The following MAF variants were observed in gnomAD, a reference collection of about 807,000 sequenced individuals.
MAF encodes transcription factor Maf.
In MAF, 10 loss-of-function variants were observed where a neutral mutation model predicts 22.0. The ratio of observed to expected loss-of-function variants is 0.45; its 90% CI spans 0.28 to 0.77. MAF has a LOEUF of 0.77. Among genes scored for constraint, MAF ranks in the 30% least tolerant of loss-of-function variants. MAF has a pLI of 0.12. For missense variants in MAF, 544 were observed against 548.4 expected, an observed-to-expected ratio of 0.99 and a Z score of 0.08; for synonymous variants, 337 against 255.8, an observed-to-expected ratio of 1.32 and a Z score of -3.03.
At chr16:79,488,267 T>G in the MAF span, among the ~76,000 whole-genome samples, 1 of 152,144 alleles carries the variant, frequency 6.6e-6, no homozygotes. Context: ...TCAAACCTTG[T>G]GAGGACTTTA....
At chr16:79,422,907 T>G in the MAF span, among the ~76,000 whole-genome samples, 10 of 152,162 alleles carry the variant, frequency 6.6e-5, no homozygotes, top group Non-Finnish European at 1.5e-4. Flanking sequence ...ACTACTCAGT[T>G]AAGCAAATAA....
At chr16:79,402,411 G>A in the MAF span, among the ~76,000 whole-genome samples, 1 of 152,196 alleles carries the variant, frequency 6.6e-6, no homozygotes, top group Non-Finnish European at 1.5e-5. Context: ...GAGAGTTCAG[G>A]CCCACACCTA....
chr16:79,381,157 T>C, the MAF span, among the ~76,000 whole-genome samples: 1 of 152,052 alleles, frequency 6.6e-6, no homozygotes, highest in Non-Finnish European at 1.5e-5. Flanking sequence ...AAGTAGAAAT[T>C]GTGTACGTTC....
chr16:79,558,325 G>T, the MAF span, among the ~76,000 whole-genome samples: 1 of 152,156 alleles, frequency 6.6e-6, no homozygotes. Flanking sequence ...GAGGCAAAGA[G>T]GGAGAGAGGG....
At chr16:79,364,289 C>G in the MAF span, among the ~76,000 whole-genome samples, 1 of 152,148 alleles carries the variant, frequency 6.6e-6, no homozygotes, top group South Asian at 2.1e-4. Flanking sequence ...AGGGAAGGAC[C>G]AGTGACACAG....
chr16:79,236,793 T>G, the MAF span, among the ~76,000 whole-genome samples: 1 of 151,814 alleles, frequency 6.6e-6, no homozygotes, highest in Non-Finnish European at 1.5e-5. Flanking sequence ...TATTAGGAGT[T>G]AAAGAAAAGT....
Position 79,594,472 on chromosome 16 carries a change from C to T in MAF, c.1200G>A (p.Val400=), listed in dbSNP as rs771023408. ...WKPQHRVLTS[V]FTK is the part of the protein sequence containing the mutation. ...TCTCACACAAATTTCATTTTGTGAA[C>T]ACACTGGTAAGTACACGATGCTGGG... The change falls in exon 2 of 2, where the codon GTG becomes GTA. Residue 400 remains valine, a synonymous_variant. Transcript: ENST00000326043. 3 of 1,559,756 alleles carry T rather than the reference C, an allele frequency of 1.9e-6. No individual in the cohort carries two copies. In the South Asian group the frequency reaches 3.5e-5, roughly 18 times the overall value.
the MAF span, among the ~76,000 whole-genome samples, chr16:79,413,840 T>C: frequency 6.6e-6 from 1 of 152,194 alleles, no homozygotes; most frequent in South Asian, 2.1e-4. Flanking sequence ...AAGCACATTA[T>C]GATAACACAT....
the MAF span, among the ~76,000 whole-genome samples, chr16:79,434,477 G>A: frequency 1.3e-5 from 2 of 152,230 alleles, no homozygotes; most frequent in East Asian, 1.9e-4. Flanking sequence ...GCTCTTGGGG[G>A]CTGCTACAAG....
chr16:79,303,047 T>C, the MAF span, among the ~76,000 whole-genome samples: 1 of 152,184 alleles, frequency 6.6e-6, no homozygotes, highest in South Asian at 2.1e-4. Context: ...TATCTGAAAC[T>C]GCAAATGGCA....
the MAF span, among the ~76,000 whole-genome samples, chr16:79,316,943 A>C: frequency 1.2e-4 from 18 of 152,230 alleles, no homozygotes; most frequent in Non-Finnish European, 2.1e-4. Flanking sequence ...TCGTGAATTC[A>C]CCTAGCGAAG....
chr16:79,576,814 A>C, the MAF span, among the ~76,000 whole-genome samples: 4 of 152,074 alleles, frequency 2.6e-5, no homozygotes, highest in Non-Finnish European at 5.9e-5. Context: ...CTTTACATAC[A>C]TTACCATATT....
the MAF span, among the ~76,000 whole-genome samples, chr16:79,576,703 G>A: frequency 1.3e-5 from 2 of 152,160 alleles, no homozygotes; most frequent in South Asian, 4.1e-4. Context: ...AGGTGTCAAG[G>A]TCAAATTTTT....
chr16:79,392,334 G>A, the MAF span, among the ~76,000 whole-genome samples: 2 of 147,994 alleles, frequency 1.4e-5, no homozygotes, highest in East Asian at 4.0e-4. Context: ...GGAGGGGAGA[G>A]GAGAGAGAAG....
At chr16:79,296,906 G>A in the MAF span, among the ~76,000 whole-genome samples, 1 of 152,172 alleles carries the variant, frequency 6.6e-6, no homozygotes, top group African/African-American at 2.4e-5. Context: ...CTGGTGGGTG[G>A]ACTCTCCTCT....
At chr16:79,281,664 T>C in the MAF span, among the ~76,000 whole-genome samples, 1 of 151,660 alleles carries the variant, frequency 6.6e-6, no homozygotes, top group Admixed American at 6.6e-5. Context: ...TTCTCCTTCT[T>C]CAGCCTCCTC....
chr16:79,299,549 T>C, the MAF span, among the ~76,000 whole-genome samples: 2 of 152,060 alleles, frequency 1.3e-5, no homozygotes, highest in African/African-American at 4.8e-5. Context: ...CGGTTACTTT[T>C]TTTTCAGAGT....
the MAF span, among the ~76,000 whole-genome samples, chr16:79,491,668 T>G: frequency 6.6e-6 from 1 of 152,140 alleles, no homozygotes; most frequent in Non-Finnish European, 1.5e-5. Context: ...ATAAAAAATA[T>G]TCTGCTCCAG....
At chr16:79,408,320 G>A in the MAF span, among the ~76,000 whole-genome samples, 1 of 151,938 alleles carries the variant, frequency 6.6e-6, no homozygotes, top group African/African-American at 2.4e-5. Context: ...GGGATTACAG[G>A]TGCCTGCCAC....
Sources: gnomAD v4.1 joint callset for allele counts (sites outside exome capture counted in the v4.1 genomes callset) on GRCh38, gnomAD v4.1.1 for gene constraint, MANE v1.5 for transcripts, NCBI Gene and HGNC (gene_info 2026-07-23, HGNC 2026-07-21) for gene names.